Variants in HIKESHI observed in about 807,000 individuals in gnomAD.
HIKESHI encodes the protein heat shock protein nuclear import factor hikeshi, also known as protein Hikeshi.
A neutral mutation model predicts 25.7 loss-of-function variants in HIKESHI; 13 were observed. That is an observed-to-expected ratio of 0.51 (90% CI 0.33 to 0.80). HIKESHI has a LOEUF of 0.80. HIKESHI is among the 30% of genes least tolerant of loss of function. The pLI is 0.02. For synonymous variants in HIKESHI, 76 were observed against 78.7 expected (o/e 0.97, Z 0.18); for missense variants, 174 against 229.5 (o/e 0.76, Z 1.56).
chr11:86,342,018 A>G (rs1171683353), intron 3 of HIKESHI, among the ~76,000 whole-genome samples: 1 of 151,966 alleles, frequency 6.6e-6, no homozygotes, highest in African/African-American at 2.4e-5. Flanking sequence ...CCTTTTTCAT[A>G]TGTTCTCACT....
At chr11:86,326,678 T>G (rs1947290840) in intron 2 of HIKESHI, 1 of 362,164 alleles carries the variant, frequency 2.8e-6, no homozygotes, top group South Asian at 1.9e-5. Context: ...GAAATATGAG[T>G]AAGATTTGGA....
chr11:86,332,186 G>A (rs943725517), intron 2 of HIKESHI, among the ~76,000 whole-genome samples: 10 of 151,690 alleles, frequency 6.6e-5, no homozygotes, highest in African/African-American at 2.4e-4. Context: ...GGATGGTCTC[G>A]AGCTCCTGAC....
At chr11:86,326,311 A>G (rs2847469) in intron 2 of HIKESHI, among the ~76,000 whole-genome samples, 23,141 of 152,150 alleles carry the variant, frequency 0.15, 1,940 homozygotes, top group East Asian at 0.23. Flanking sequence ...ATAATAAATA[A>G]ATAAATAAAA....
chr11:86,325,055 T>G (rs1947238805), intron 2 of HIKESHI, among the ~76,000 whole-genome samples: 1 of 151,852 alleles, frequency 6.6e-6, no homozygotes, highest in South Asian at 2.1e-4. Context: ...GGTACGTGCC[T>G]ATAGTCCCAC....
intron 2 of HIKESHI, among the ~76,000 whole-genome samples, chr11:86,328,633 G>C (rs573856781): frequency 1.6e-4 from 24 of 152,018 alleles, no homozygotes; most frequent in Admixed American, 3.9e-4. Context: ...TAGTAGAGAT[G>C]GGGTTTCACC....
chr11:86,321,982 G>A (rs1217938503), intron 2 of HIKESHI, among the ~76,000 whole-genome samples: 6 of 151,338 alleles, frequency 4.0e-5, no homozygotes, highest in Non-Finnish European at 8.9e-5. Flanking sequence ...CAGTGATATT[G>A]AGCAGTTTTC....
At chr11:86,315,182 A>G (rs915082728) in intron 2 of HIKESHI, among the ~76,000 whole-genome samples, 1 of 152,252 alleles carries the variant, frequency 6.6e-6, no homozygotes, top group African/African-American at 2.4e-5. Flanking sequence ...TGAACATTAA[A>G]TATAAAGTAA....
intron 2 of HIKESHI, among the ~76,000 whole-genome samples, chr11:86,334,432 A>T (rs1947495124): frequency 6.6e-6 from 1 of 151,992 alleles, no homozygotes; most frequent in Admixed American, 6.6e-5. Flanking sequence ...AAAGAGTCTT[A>T]AAAAAAATTA....
intron 3 of HIKESHI, 108 bp from the exon 4 acceptor site, chr11:86,344,495 C>CT: frequency 1.4e-6 from 1 of 706,506 alleles, no homozygotes; most frequent in Non-Finnish European, 2.3e-6. Flanking sequence ...TCTCTTAGAA[C>CT]TGACACTCCC....
intron 2 of HIKESHI, among the ~76,000 whole-genome samples, chr11:86,310,141 AT>A (rs1316900338): frequency 6.8e-6 from 1 of 147,512 alleles, no homozygotes; most frequent in Admixed American, 6.9e-5. Context: ...CATTGAATCT[AT>A]AAATTACCTT....
rs1947853859 is a variant in HIKESHI at position 86,345,701 on chromosome 11, A to G, written c.*63A>G. On this transcript the variant is annotated 3_prime_UTR_variant, in exon 5 of 5. Coordinates refer to ENST00000278483, the MANE Select transcript of HIKESHI (RefSeq NM_016401.4). ...TCATGTTTTGAAGATAACTGACTCC[A>G]TCTAAAAGTATGAGGTCAAAGGATC... The G allele has an allele frequency of 2.0e-6, 2 of 998,534 alleles. No individual in the cohort carries two copies. The highest frequency in any genetic ancestry group is 1.7e-5 in the African/African-American group (1 of 60,384). 61.9% of individuals were successfully genotyped at this position (998,534 alleles called of 1,614,324 possible).
chr11:86,344,771 T>C (rs1947827743), intron 4 of HIKESHI, 50 bp downstream of exon 4: 1 of 1,167,084 alleles, frequency 8.6e-7, no homozygotes, highest in African/African-American at 1.5e-5. Flanking sequence ...TAACTGAATA[T>C]CTATTTTGTC....
intron 2 of HIKESHI, 92 bp downstream of exon 2, chr11:86,306,574 G>A (rs1188263923): frequency 5.5e-6 from 4 of 724,492 alleles, no homozygotes; most frequent in Non-Finnish European, 8.8e-6. Flanking sequence ...CCTTTAGATT[G>A]TGTTTTTCTG....
chr11:86,330,053 C>T (rs1445673899), intron 2 of HIKESHI, among the ~76,000 whole-genome samples: 1 of 151,484 alleles, frequency 6.6e-6, no homozygotes, highest in African/African-American at 2.4e-5. Context: ...TTTTTTTTCT[C>T]CCCTTTTTTG....
chr11:86,338,955 C>T (rs11234619), intron 3 of HIKESHI, among the ~76,000 whole-genome samples: 110,837 of 151,888 alleles, frequency 0.73, 40,933 homozygotes, highest in African/African-American at 0.84. Context: ...AAATGTATTA[C>T]GAAATATTTT....
intron 2 of HIKESHI, among the ~76,000 whole-genome samples, chr11:86,313,274 C>A (rs1946882542): frequency 6.6e-6 from 1 of 152,082 alleles, no homozygotes; most frequent in South Asian, 2.1e-4. Context: ...TCTAGTTGCC[C>A]AGGCTGAGTG....
rs71040232 is a variant in HIKESHI at position 86,329,574 on chromosome 11, CTTT to C, written c.269-7792_269-7790del. Among the ~76,000 whole-genome samples the C allele has an allele frequency of 6.2e-3, 894 of 143,908 alleles. 5 individuals carry two copies. The highest frequency in any genetic ancestry group is 0.019 in the African/African-American group (731 of 39,024). 94.4% of individuals were successfully genotyped at this position (143,908 alleles called of 152,430 possible). A position where few individuals can be genotyped will look rare whatever the true frequency, so the allele number is the denominator to read the frequency against. ...TTTTCAATTTTTATGCCTGTGATTT[CTTT>C]TTTTTTTTTTTTCTTTTTGCCTTAT... On this transcript the variant is annotated intron_variant, in intron 2 of 4. Coordinates refer to ENST00000278483, the MANE Select transcript of HIKESHI (RefSeq NM_016401.4).
chr11:86,303,091 T>C (rs1946537822), intron 1 of HIKESHI, among the ~76,000 whole-genome samples: 1 of 152,196 alleles, frequency 6.6e-6, no homozygotes, highest in South Asian at 2.1e-4. Flanking sequence ...TGTTTCCTTA[T>C]GGGTCAAAAT....
chr11:86,321,787 C>A (rs1187705156), intron 2 of HIKESHI, among the ~76,000 whole-genome samples: 1 of 152,160 alleles, frequency 6.6e-6, no homozygotes, highest in Non-Finnish European at 1.5e-5. Context: ...GCCTCAGCCT[C>A]CCAAAGTGTT....
Sources: allele counts gnomAD v4.1 joint callset (sites outside exome capture counted in the v4.1 genomes callset), GRCh38; gene constraint gnomAD v4.1.1; transcripts MANE v1.5; gene names NCBI Gene and HGNC (gene_info 2026-07-23, HGNC 2026-07-21).